The following RALGPS1 variants were observed in gnomAD, a reference collection of about 807,000 sequenced individuals.
RALGPS1 encodes Ral GEF with PH domain and SH3 binding motif 1.
A neutral mutation model predicts 78.8 loss-of-function variants in RALGPS1; 19 were observed. That is an observed-to-expected ratio of 0.24 (90% CI 0.17 to 0.35). RALGPS1 has a LOEUF of 0.35. Among genes scored for constraint, RALGPS1 ranks in the 10% least tolerant of loss-of-function variants. The pLI is 1.00. For synonymous variants in RALGPS1, 228 were observed against 256.3 expected (o/e 0.89, Z 1.06); for missense variants, 454 against 688.3 (o/e 0.66, Z 3.81).
At chr9:127,210,161 T>C (rs1204928108) in intron 14 of RALGPS1, among the ~76,000 whole-genome samples, 1 of 152,188 alleles carries the variant, frequency 6.6e-6, no homozygotes, top group East Asian at 1.9e-4. Flanking sequence ...CATGGACTCT[T>C]GGATGCTGCA....
At chr9:127,140,903 C>T (rs1538502) in intron 8 of RALGPS1, among the ~76,000 whole-genome samples, 57,846 of 151,878 alleles carry the variant, frequency 0.38, 12,701 homozygotes, top group Non-Finnish European at 0.48. Flanking sequence ...GGGTGGAAAC[C>T]CTGGCAGATC....
intron 3 of RALGPS1, among the ~76,000 whole-genome samples, chr9:126,966,750 A>C (rs2039540714): frequency 6.6e-6 from 1 of 151,806 alleles, no homozygotes; most frequent in Admixed American, 6.6e-5. Flanking sequence ...CTACAATGAT[A>C]AACAATATTA....
Position 126,982,860 on chromosome 9 carries a change from T to C in RALGPS1, c.216+5115T>C, listed in dbSNP as rs2900254. Among the ~76,000 whole-genome samples the C allele has an allele frequency of 1.4e-3, 167 of 118,290 alleles. 1 individual carries two copies. Among genetic ancestry groups the C allele is most frequent in the East Asian group, 4.5e-3 (19 of 4,238 alleles). The allele number at this position is 118,290 out of a possible 152,430, so 77.6% of individuals were successfully genotyped here. ...TTCTTCCTTCTTTCTTCCTCCTCCTTCTTCTTCTTCTTCCTCTTCCCCTTC... is the reference window on the plus strand; with the variant it reads ...TTCTTCCTTCTTTCTTCCTCCTCCTCCTTCTTCTTCTTCCTCTTCCCCTTC... On this transcript the variant is annotated intron_variant, in intron 4 of 18. Transcript: ENST00000259351.
At chr9:127,043,895 G>C (rs2047528149) in intron 5 of RALGPS1, among the ~76,000 whole-genome samples, 1 of 152,164 alleles carries the variant, frequency 6.6e-6, no homozygotes, top group Non-Finnish European at 1.5e-5. Flanking sequence ...ATACCTATTA[G>C]AATGTCTACA....
intron 1 of RALGPS1, among the ~76,000 whole-genome samples, chr9:126,949,385 C>T (rs1008114683): frequency 1.4e-4 from 22 of 152,200 alleles, no homozygotes; most frequent in African/African-American, 4.6e-4. Context: ...GAGGAATCGC[C>T]ACACTGACTT....
At chr9:127,071,623 G>T (rs1307760744) in intron 8 of RALGPS1, among the ~76,000 whole-genome samples, 2 of 151,968 alleles carry the variant, frequency 1.3e-5, no homozygotes, top group Non-Finnish European at 2.9e-5. Flanking sequence ...ATAGAAAACA[G>T]TTAAGGCTAT....
chr9:126,942,253 C>T (rs2036862512), intron 1 of RALGPS1, among the ~76,000 whole-genome samples: 1 of 151,438 alleles, frequency 6.6e-6, no homozygotes. Flanking sequence ...CTAAATCTAC[C>T]AGTAGTTTTC....
chr9:127,170,616 T>C (rs2059522637), intron 10 of RALGPS1, among the ~76,000 whole-genome samples: 1 of 152,180 alleles, frequency 6.6e-6, no homozygotes, highest in African/African-American at 2.4e-5. Flanking sequence ...TGGGATAATA[T>C]TTTCCATTTA....
chr9:127,203,516 T>TGG (rs71493878), intron 14 of RALGPS1, among the ~76,000 whole-genome samples: 3 of 149,886 alleles, frequency 2.0e-5, no homozygotes, highest in South Asian at 2.2e-4. Flanking sequence ...GCGTAGGGGA[T>TGG]GGGGGGGTCC....
At chr9:127,068,889 C>G (rs891973714) in intron 7 of RALGPS1, among the ~76,000 whole-genome samples, 1 of 152,154 alleles carries the variant, frequency 6.6e-6, no homozygotes, top group Non-Finnish European at 1.5e-5. Flanking sequence ...AACTTTCAGG[C>G]CATTGCCATG....
intron 11 of RALGPS1, chr9:127,184,306 C>A: frequency 3.8e-5 from 14 of 366,764 alleles, no homozygotes; most frequent in East Asian, 6.3e-5. Context: ...GGTGACAGAG[C>A]AAGACCTTGT....
chr9:127,178,394 T>C (rs2060009482), intron 11 of RALGPS1: 7 of 891,924 alleles, frequency 7.8e-6, no homozygotes, highest in Non-Finnish European at 9.7e-6. Context: ...AGTGTCTCTA[T>C]CTGTAAAGTG....
intron 8 of RALGPS1, among the ~76,000 whole-genome samples, chr9:127,087,076 C>T (rs57593793): frequency 0.057 from 8,598 of 152,144 alleles, 816 homozygotes; most frequent in African/African-American, 0.2. Context: ...GTGCACTGCC[C>T]GTGAGGTGCT....
chr9:127,047,777 A>G (rs564816357), intron 5 of RALGPS1, among the ~76,000 whole-genome samples: 4 of 151,348 alleles, frequency 2.6e-5, no homozygotes, highest in Admixed American at 1.3e-4. Context: ...TGTGAGACTG[A>G]GATTTGTCTT....
chr9:127,139,824 T>A (rs2057647886), intron 8 of RALGPS1, among the ~76,000 whole-genome samples: 1 of 152,266 alleles, frequency 6.6e-6, no homozygotes, highest in Non-Finnish European at 1.5e-5. Context: ...ATTAACTTTC[T>A]TGCTCAGTTT....
At chr9:126,939,246 A>G (rs1281107357) in intron 1 of RALGPS1, among the ~76,000 whole-genome samples, 4 of 152,212 alleles carry the variant, frequency 2.6e-5, no homozygotes, top group Non-Finnish European at 4.4e-5. Context: ...CAGCAGAACC[A>G]GGCAGCTTGG....
chr9:127,112,586 C>T (rs1395717670), intron 8 of RALGPS1, among the ~76,000 whole-genome samples: 1 of 152,256 alleles, frequency 6.6e-6, no homozygotes, highest in Non-Finnish European at 1.5e-5. Context: ...AACATGGGCT[C>T]TCACAGCTCC....
chr9:127,208,422 C>T (rs2062050976), intron 14 of RALGPS1, among the ~76,000 whole-genome samples: 2 of 152,228 alleles, frequency 1.3e-5, no homozygotes, highest in South Asian at 4.1e-4. Flanking sequence ...AAGGCTTTAT[C>T]TCACAGTGTG....
chr9:127,098,816 C>G (rs1003150040), intron 8 of RALGPS1, among the ~76,000 whole-genome samples: 6 of 152,196 alleles, frequency 3.9e-5, no homozygotes, highest in African/African-American at 1.4e-4. Flanking sequence ...GAACCGGCAC[C>G]TAGGCCAGGC....
Sources: allele counts gnomAD v4.1 joint callset (sites outside exome capture counted in the v4.1 genomes callset), GRCh38; gene constraint gnomAD v4.1.1; transcripts MANE v1.5; gene names NCBI Gene and HGNC (gene_info 2026-07-23, HGNC 2026-07-21).